The following GC variants were observed in gnomAD, a reference collection of about 807,000 sequenced individuals.
The protein encoded by GC is GC vitamin D binding protein.
GC carries 43 observed loss-of-function variants against 56.7 expected under a neutral mutation model. The observed-to-expected ratio is 0.76, with a 90% CI of 0.59 to 0.98. The LOEUF (loss-of-function observed/expected upper bound fraction) is 0.98. Among genes scored for constraint, GC ranks in the 50% least tolerant of loss-of-function variants. The pLI is 0.00. For missense variants in GC, 529 were observed against 545.9 expected (o/e 0.97, Z 0.31); for synonymous variants, 216 against 202.7 (o/e 1.07, Z -0.56).
At position 71,793,378 on chromosome 4, in the gene GC, C is replaced by G. The variant is rs540687734; in HGVS notation, c.22-9324G>C. On this transcript the variant is annotated intron_variant, in intron 1 of 13. Coordinates refer to the GC transcript ENST00000504199. ...TCTCCTTGAAGAGGTCCTTCACATCCCTTGTCAGTTGTATTCCTAGGTATT... is the reference window on the plus strand; with the variant it reads ...TCTCCTTGAAGAGGTCCTTCACATCGCTTGTCAGTTGTATTCCTAGGTATT... 2.0e-5 allele frequency among the ~76,000 whole-genome samples: 3 copies of G among 152,170 alleles called. No homozygotes were observed. In the South Asian group the frequency reaches 6.2e-4, roughly 32 times the overall value.
chr4:71,756,844 T>G lies in GC; in HGVS notation c.902A>C (p.Gln301Pro), dbSNP rs370244436. ...TKNSKFEDCC[Q>P]EKTAMDVFVC... The stretch of plus-strand genomic sequence containing the variant: ...AAAAACGTCCATGGCTGTTTTTTCT[T>G]GACAACAGTCTTCAAACTTAGAATT... The change falls in exon 8 of 13, where the codon CAA (glutamine) becomes CCA (proline). Residue 301 changes from glutamine (Q) to proline (P), a missense_variant. Physicochemically the swap from Gln to Pro is moderately conservative, Grantham distance 76. Coordinates refer to ENST00000273951, the MANE Select transcript of GC (RefSeq NM_000583.4). 188 of 1,613,466 alleles carry G rather than the reference T, an allele frequency of 1.2e-4. No individual in the cohort carries two copies. Among genetic ancestry groups the G allele is most frequent in the Non-Finnish European group, 1.5e-4 (176 of 1,179,496 alleles).
At chr4:71,783,840 C>A in intron 1 of GC, 121 bp downstream of exon 1, 1 of 617,608 alleles carries the variant, frequency 1.6e-6, no homozygotes, top group South Asian at 4.0e-5. Context: ...GGTCCTTATC[C>A]CTCTCCCCAA....
At chr4:71,786,907 C>A (rs940113050), upstream of GC, among the ~76,000 whole-genome samples, 4 of 151,830 alleles carry the variant, frequency 2.6e-5, no homozygotes, top group African/African-American at 9.7e-5. Flanking sequence ...TTATCAGTAT[C>A]TTTTCCTGAT....
chr4:71,755,185 CAG>C (rs1741727757), intron 8 of GC, 78 bp from the exon 9 acceptor site: 1 of 111,128 alleles, frequency 9.0e-6, no homozygotes, highest in Non-Finnish European at 1.5e-5. Flanking sequence ...TTTTTTGTGA[CAG>C]AGTCTCCCTC....
intron 6 of GC, among the ~76,000 whole-genome samples, chr4:71,759,829 G>A (rs1741903730): frequency 2.0e-5 from 3 of 152,068 alleles, no homozygotes; most frequent in Admixed American, 2.0e-4. Context: ...CATAGCAAAT[G>A]CTATTTCCTT....
intron 1 of GC, among the ~76,000 whole-genome samples, chr4:71,792,329 T>A (rs1268888209): frequency 2.6e-5 from 4 of 152,210 alleles, no homozygotes; most frequent in Non-Finnish European, 4.4e-5. Context: ...CAGCATCTGT[T>A]GTTTCCTGAC....
chr4:71,763,773 G>A (rs200908798), intron 5 of GC, 31 bp downstream of exon 5: 391 of 1,559,166 alleles, frequency 2.5e-4, no homozygotes, highest in Middle Eastern at 3.4e-4. Context: ...AGAAAAAAAC[G>A]TAAACATATA....
Position 71,763,429 on chromosome 4 carries a change from C to G in GC, c.680G>C (p.Gly227Ala). Residue 227 changes from glycine to alanine, a missense_variant, in exon 6 of 13, where the codon GGG becomes GCG. By Grantham distance (60) the Gly-to-Ala change is moderately conservative. Coordinates refer to ENST00000273951, the MANE Select transcript of GC (RefSeq NM_000583.4). ...TTACCTGAGCCTTGATTTCTTCTCC[C>G]CATAAGCAGCATATTGTGAGCAGAC... ...NRVCSQYAAYGEKKSRLSNLI... is the reference protein window; with the variant it reads ...NRVCSQYAAYAEKKSRLSNLI... 2 of 1,595,082 alleles carry G rather than the reference C, an allele frequency of 1.3e-6. No individual in the cohort carries two copies. The highest frequency in any genetic ancestry group is 1.7e-6 in the Non-Finnish European group (2 of 1,163,230).
chr4:71,802,287 T>C lies in GC; in HGVS notation c.21+1639A>G, dbSNP rs369983659. On this transcript the variant is annotated intron_variant, in intron 1 of 13. Transcript: ENST00000504199. ...TATTTGGGGTTTAAGCTGCATATTA[T>C]TTTTGTGTATCCTTTTCTTTTTCTG... Among the ~76,000 whole-genome samples the C allele has an allele frequency of 3.3e-5, 5 of 152,330 alleles. No individual in the cohort carries two copies. The South Asian group carries it at 1.0e-3, about 32-fold the overall frequency.
At chr4:71,796,137 T>G (rs1291000822) in intron 1 of GC, among the ~76,000 whole-genome samples, 6 of 151,884 alleles carry the variant, frequency 4.0e-5, no homozygotes, top group Non-Finnish European at 5.9e-5. Flanking sequence ...ACAATTATGT[T>G]GCTTGGAGTT....
At chr4:71,794,832 T>A (rs71644737) in intron 1 of GC, among the ~76,000 whole-genome samples, 1 of 152,224 alleles carries the variant, frequency 6.6e-6, no homozygotes, top group East Asian at 1.9e-4. Context: ...GCTTTAAATG[T>A]GTCTCAGAGA....
At chr4:71,793,981 C>T (rs932444548) in intron 1 of GC, among the ~76,000 whole-genome samples, 3 of 152,194 alleles carry the variant, frequency 2.0e-5, no homozygotes, top group African/African-American at 7.2e-5. Flanking sequence ...TATGTTGAAC[C>T]AGCCTTGCAT....
chr4:71,769,638 T>C (rs921868197), intron 1 of GC: 1 of 431,316 alleles, frequency 2.3e-6, no homozygotes, highest in South Asian at 2.6e-5. Context: ...AGTAAACTAA[T>C]ACTGAACGTA....
intron 3 of GC, among the ~76,000 whole-genome samples, chr4:71,767,625 T>A (rs997906395): frequency 5.5e-5 from 8 of 145,658 alleles, no homozygotes; most frequent in East Asian, 2.0e-4. Context: ...ATATATATAT[T>A]AAATTATATA....
At chr4:71,781,534 T>G (rs1434435079) in intron 1 of GC, among the ~76,000 whole-genome samples, 1 of 151,892 alleles carries the variant, frequency 6.6e-6, no homozygotes, top group Non-Finnish European at 1.5e-5. Context: ...TTATAAATGT[T>G]TCCTGGTCAT....
At chr4:71,799,335 A>G (rs1335083712) in intron 1 of GC, among the ~76,000 whole-genome samples, 1 of 152,158 alleles carries the variant, frequency 6.6e-6, no homozygotes, top group East Asian at 1.9e-4. Context: ...CCATCTCTCA[A>G]TGGAGGGCTA....
chr4:71,746,784 A>AAAAAAAAAAAAAAAACAAAC (rs1553946448), intron 11 of GC, among the ~76,000 whole-genome samples: 6 of 150,982 alleles, frequency 4.0e-5, no homozygotes, highest in African/African-American at 1.2e-4. Context: ...AAAAAAAAAA[A>AAAAAAAAAAAAAAAACAAAC]AAAAAAAAAA....
intron 1 of GC, among the ~76,000 whole-genome samples, chr4:71,795,804 C>T (rs1743086976): frequency 6.6e-6 from 1 of 152,152 alleles, no homozygotes; most frequent in Admixed American, 6.6e-5. Flanking sequence ...CCAGTTGTTC[C>T]TTTCCATGTT....
exon 1 of GC, chr4:71,803,936 G>A (rs1420851171): frequency 6.6e-7 from 1 of 1,507,198 alleles, no homozygotes; most frequent in Admixed American, 2.0e-5. Flanking sequence ...CTCACTCCAA[G>A]ACCACAGCAT....
Sources: gnomAD v4.1 joint callset for allele counts (sites outside exome capture counted in the v4.1 genomes callset) on GRCh38, gnomAD v4.1.1 for gene constraint, MANE v1.5 for transcripts, NCBI Gene and HGNC (gene_info 2026-07-23, HGNC 2026-07-21) for gene names.